Variants in GRM7 observed in about 807,000 individuals in gnomAD.
The protein encoded by GRM7 is glutamate metabotropic receptor 7.
A neutral mutation model predicts 84.5 loss-of-function variants in GRM7; 35 were observed. The ratio of observed to expected loss-of-function variants is 0.41; its 90% CI spans 0.32 to 0.55. GRM7 has a LOEUF of 0.55. Among genes scored for constraint, GRM7 ranks in the 20% least tolerant of loss-of-function variants. GRM7 has a pLI of 0.19. For synonymous variants in GRM7, 487 were observed against 455.1 expected (o/e 1.07, Z -0.89); for missense variants, 1,003 against 1,194.6 (o/e 0.84, Z 2.36).
intron 2 of GRM7, among the ~76,000 whole-genome samples, chr3:7,182,040 A>C (rs1277258091): frequency 1.3e-5 from 2 of 152,234 alleles, no homozygotes; most frequent in Non-Finnish European, 2.9e-5. Flanking sequence ...TTTCAAGTTC[A>C]AGGCTAAAGA....
intron 4 of GRM7, among the ~76,000 whole-genome samples, chr3:7,411,119 TA>T (rs903175236): frequency 6.6e-6 from 1 of 152,202 alleles, no homozygotes; most frequent in African/African-American, 2.4e-5. Context: ...GTATGTATCT[TA>T]TAAGGACTCT....
At chr3:7,087,548 T>C (rs1206880538) in intron 1 of GRM7, among the ~76,000 whole-genome samples, 3 of 152,096 alleles carry the variant, frequency 2.0e-5, no homozygotes, top group African/African-American at 4.8e-5. Context: ...AAGAAAGACA[T>C]AGACTTTTAA....
At chr3:7,739,597 C>G (rs1702622132) in intron 9 of GRM7, among the ~76,000 whole-genome samples, 2 of 152,158 alleles carry the variant, frequency 1.3e-5, no homozygotes, top group African/African-American at 4.8e-5. Context: ...TTGTTTCCAG[C>G]ATGAGGACAT....
intron 7 of GRM7, among the ~76,000 whole-genome samples, chr3:7,563,103 A>G (rs1280341841): frequency 1.3e-5 from 2 of 152,164 alleles, no homozygotes; most frequent in East Asian, 3.8e-4. Context: ...ACCCCAGGTG[A>G]GTGGGTGAAA....
intron 9 of GRM7, among the ~76,000 whole-genome samples, chr3:7,728,598 G>A (rs759037931): frequency 5.3e-5 from 8 of 152,128 alleles, no homozygotes; most frequent in Non-Finnish European, 1.2e-4. Flanking sequence ...AAGGAGCACA[G>A]GACTATCTTT....
At chr3:7,458,350 T>G (rs1312356645) in intron 6 of GRM7, among the ~76,000 whole-genome samples, 3 of 152,210 alleles carry the variant, frequency 2.0e-5, no homozygotes, top group Non-Finnish European at 4.4e-5. Flanking sequence ...GGTGAATTCT[T>G]TATCTCCTCT....
At chr3:7,474,280 T>C (rs1222855191) in intron 7 of GRM7, among the ~76,000 whole-genome samples, 1 of 152,080 alleles carries the variant, frequency 6.6e-6, no homozygotes, top group Non-Finnish European at 1.5e-5. Context: ...AAGTAGGGGC[T>C]TTAGTCTGAA....
At chr3:6,920,093 C>G (rs1405911103) in intron 1 of GRM7, among the ~76,000 whole-genome samples, 1 of 152,126 alleles carries the variant, frequency 6.6e-6, no homozygotes, top group African/African-American at 2.4e-5. Flanking sequence ...TACATATAAC[C>G]AGCAGAAGCT....
At chr3:7,573,905 G>GAA (rs1694829585) in intron 7 of GRM7, among the ~76,000 whole-genome samples, 1 of 152,172 alleles carries the variant, frequency 6.6e-6, no homozygotes, top group South Asian at 2.1e-4. Flanking sequence ...CAAATGCAGA[G>GAA]AAAATGTATT....
chr3:7,473,860 C>G (rs534238306), intron 7 of GRM7, among the ~76,000 whole-genome samples: 1 of 152,250 alleles, frequency 6.6e-6, no homozygotes, highest in Non-Finnish European at 1.5e-5. Context: ...AACAACAAAC[C>G]ATTAAATTAT....
intron 2 of GRM7, among the ~76,000 whole-genome samples, chr3:7,228,081 T>C (rs1274184792): frequency 6.6e-6 from 1 of 152,208 alleles, no homozygotes; most frequent in African/African-American, 2.4e-5. Context: ...GTATGTCTTA[T>C]ACCCATTGCT....
intron 1 of GRM7, among the ~76,000 whole-genome samples, chr3:6,877,717 G>T (rs1183401881): frequency 6.6e-6 from 1 of 151,232 alleles, no homozygotes; most frequent in Non-Finnish European, 1.5e-5. Context: ...ATAGGCCACT[G>T]GATATAATTT....
intron 4 of GRM7, chr3:7,403,042 C>G (rs922678016): frequency 4.0e-6 from 1 of 251,128 alleles, no homozygotes; most frequent in African/African-American, 2.3e-5. Flanking sequence ...ATTTTTAGAC[C>G]AGAGTACAAA....
At position 7,356,566 on chromosome 3, in the gene GRM7, G is replaced by C. The variant is rs188661226; in HGVS notation, c.1033+49914G>C. 3.9e-5 allele frequency among the ~76,000 whole-genome samples: 6 copies of C among 152,174 alleles called. No homozygotes were observed. The East Asian group carries it at 1.2e-3, about 30-fold the overall frequency. ...CATCTTCCCACTTCAGCCTCCCAAA[G>C]TGCTAGGATTACAGGCATAAGCCAC... is the stretch of plus-strand genomic sequence containing the variant. On this transcript the variant is annotated intron_variant, in intron 4 of 9. Transcript: ENST00000357716.
chr3:7,546,532 T>G (rs1311414133), intron 7 of GRM7, among the ~76,000 whole-genome samples: 1 of 152,238 alleles, frequency 6.6e-6, no homozygotes, highest in Non-Finnish European at 1.5e-5. Flanking sequence ...AAGGCTGCTA[T>G]GCCCTACAGA....
intron 2 of GRM7, among the ~76,000 whole-genome samples, chr3:7,205,164 A>G (rs1220487367): frequency 6.6e-6 from 1 of 152,200 alleles, no homozygotes; most frequent in Non-Finnish European, 1.5e-5. Flanking sequence ...TTGTTTCCAA[A>G]CATCACATGC....
At chr3:7,474,356 C>A (rs572924912) in intron 7 of GRM7, among the ~76,000 whole-genome samples, 11 of 152,006 alleles carry the variant, frequency 7.2e-5, no homozygotes, top group African/African-American at 2.7e-4. Context: ...CTCAAGTAGA[C>A]CCTACTATTC....
At chr3:7,139,479 A>T (rs1437225170) in intron 1 of GRM7, among the ~76,000 whole-genome samples, 1 of 151,970 alleles carries the variant, frequency 6.6e-6, no homozygotes, top group East Asian at 1.9e-4. Context: ...AAAAATGCCT[A>T]GGGGAAATTT....
In GRM7 at chr3:7,070,419, C is replaced by G. The variant is rs190476087; in HGVS notation, c.520-76033C>G. On this transcript the variant is annotated intron_variant, in intron 1 of 9. Coordinates refer to ENST00000357716, the MANE Select transcript of GRM7 (RefSeq NM_000844.4). ...CTGATTGAATGATTTGCATTAATTA[C>G]AAATGAATGCTAAAAACAAAACTTT... Among the ~76,000 whole-genome samples, 949 of 152,162 alleles carry G rather than the reference C, an allele frequency of 6.2e-3. 10 individuals carry two copies. The highest frequency in any genetic ancestry group is 0.022 in the African/African-American group (900 of 41,546).
Sources: allele counts gnomAD v4.1 joint callset (sites outside exome capture counted in the v4.1 genomes callset), GRCh38; gene constraint gnomAD v4.1.1; transcripts MANE v1.5; gene names NCBI Gene and HGNC (gene_info 2026-07-23, HGNC 2026-07-21).